HECTD2: variants seen among roughly 807,000 people sequenced by gnomAD.
HECTD2 encodes HECT domain E3 ubiquitin protein ligase 2.
Under a neutral mutation model 103.2 loss-of-function variants are expected in HECTD2, and 35 were observed. The observed-to-expected ratio is 0.34, with a 90% CI of 0.26 to 0.45. HECTD2 has a LOEUF of 0.45. Ranked by LOEUF, HECTD2 falls within the 20% of genes least tolerant of loss-of-function variation. The pLI, the probability that HECTD2 is intolerant of heterozygous loss-of-function variation, is 1.00. For synonymous variants in HECTD2, 281 were observed against 329.9 expected (o/e 0.85, Z 1.61); for missense variants, 596 against 937.4 (o/e 0.64, Z 4.76).
At chr10:91,471,647 G>GT (rs1291096284) in intron 5 of HECTD2, among the ~76,000 whole-genome samples, 1 of 152,126 alleles carries the variant, frequency 6.6e-6, no homozygotes, top group Non-Finnish European at 1.5e-5. Flanking sequence ...ATAAAAATCA[G>GT]TAGCATTTCT....
Position 91,410,573 on chromosome 10 carries a change from C to G in HECTD2, c.135C>G (p.Thr45=). The G allele has an allele frequency of 1.4e-6, 2 of 1,422,262 alleles. No individual in the cohort carries two copies. Among genetic ancestry groups the G allele is most frequent in the Non-Finnish European group, 1.8e-6 (2 of 1,088,682 alleles). The allele number at this position is 1,422,262 out of a possible 1,614,324, so 88.1% of individuals were successfully genotyped here. A position where few individuals can be genotyped will look rare whatever the true frequency, so the allele number is the denominator to read the frequency against. The stretch of plus-strand genomic sequence containing the variant: ...TCGTATCGGCGGGCGCCGGCGCGAC[C>G]GCGGTAGGTGGTGGGCCGGGGCCGT... The part of the protein sequence containing the change: ...PPIVSAGAGA[T]AGLDRGAKGQ... Residue 45 remains threonine (T), a synonymous_variant, in exon 1 of 21, where the codon ACC becomes ACG. Transcript: ENST00000298068.
intron 20 of HECTD2, among the ~76,000 whole-genome samples, chr10:91,504,442 G>A (rs1251460861): frequency 6.6e-6 from 1 of 152,142 alleles, no homozygotes; most frequent in African/African-American, 2.4e-5. Context: ...AGGAGCTGAT[G>A]GAGCTGAAAA....
At chr10:91,456,731 A>G (rs1484797237) in intron 2 of HECTD2, among the ~76,000 whole-genome samples, 1 of 152,070 alleles carries the variant, frequency 6.6e-6, no homozygotes, top group East Asian at 1.9e-4. Context: ...AATAGCTCTT[A>G]TTATTTTGAG....
chr10:91,415,641 T>A (rs1843096426), intron 1 of HECTD2, among the ~76,000 whole-genome samples: 1 of 152,216 alleles, frequency 6.6e-6, no homozygotes, highest in South Asian at 2.1e-4. Context: ...CCGACTCATG[T>A]TCTTTGCCCA....
intron 1 of HECTD2, among the ~76,000 whole-genome samples, chr10:91,415,414 A>G (rs139123218): frequency 1.3e-5 from 2 of 152,334 alleles, no homozygotes; most frequent in Non-Finnish European, 2.9e-5. Flanking sequence ...GTTTATAACA[A>G]TAATAGCTAC....
At chr10:91,478,473 A>G (rs1289751021) in intron 6 of HECTD2, among the ~76,000 whole-genome samples, 1 of 152,236 alleles carries the variant, frequency 6.6e-6, no homozygotes, top group Non-Finnish European at 1.5e-5. Flanking sequence ...ATAGATGGGC[A>G]TAAAAAGATC....
At chr10:91,498,824 T>A (rs776849599) in intron 16 of HECTD2, 48 bp from the exon 17 acceptor site, 1 of 1,135,906 alleles carries the variant, frequency 8.8e-7, no homozygotes, top group Admixed American at 2.2e-5. Context: ...CACCAAAGTA[T>A]GTTATTATAT....
intron 20 of HECTD2, among the ~76,000 whole-genome samples, chr10:91,503,802 G>A (rs1269236334): frequency 6.6e-6 from 1 of 152,098 alleles, no homozygotes; most frequent in Non-Finnish European, 1.5e-5. Context: ...GCCTGCCTCT[G>A]TAGGCTCCAC....
intron 5 of HECTD2, 106 bp from the exon 6 acceptor site, chr10:91,478,095 T>C (rs1845972228): frequency 5.4e-6 from 4 of 737,724 alleles, no homozygotes; most frequent in Non-Finnish European, 9.4e-6. Context: ...TCCTGAGTCA[T>C]CAAGTCTGAT....
chr10:91,433,744 G>A (rs1843995951), intron 2 of HECTD2, among the ~76,000 whole-genome samples: 1 of 151,914 alleles, frequency 6.6e-6, no homozygotes, highest in African/African-American at 2.4e-5. Context: ...TGCATGTACA[G>A]TCACCTTGAG....
At chr10:91,467,962 A>T (rs1589516533) in intron 5 of HECTD2, among the ~76,000 whole-genome samples, 1 of 151,184 alleles carries the variant, frequency 6.6e-6, no homozygotes, top group African/African-American at 2.4e-5. Context: ...AGCACCCCAC[A>T]CCTACCACAC....
At chr10:91,496,994 C>G (rs1229174543) in intron 15 of HECTD2, among the ~76,000 whole-genome samples, 7 of 150,140 alleles carry the variant, frequency 4.7e-5, no homozygotes, top group South Asian at 2.1e-4. Flanking sequence ...GAATCTCACT[C>G]TGTCACCCAG....
At chr10:91,413,067 A>G (rs912526121) in intron 1 of HECTD2, among the ~76,000 whole-genome samples, 3 of 152,166 alleles carry the variant, frequency 2.0e-5, no homozygotes, top group Non-Finnish European at 4.4e-5. Context: ...CTGCCTGTCT[A>G]GTTTGTGTCT....
At chr10:91,503,302 G>A (rs1846980821) in intron 20 of HECTD2, among the ~76,000 whole-genome samples, 1 of 152,228 alleles carries the variant, frequency 6.6e-6, no homozygotes, top group South Asian at 2.1e-4. Context: ...AACAGCTCCA[G>A]TCTACAGCTC....
intron 20 of HECTD2, among the ~76,000 whole-genome samples, chr10:91,506,760 C>T (rs1312322976): frequency 6.6e-6 from 1 of 151,946 alleles, no homozygotes; most frequent in Non-Finnish European, 1.5e-5. Context: ...GGGAATCCTC[C>T]CTAACTCATT....
rs1745564496 is a variant in HECTD2, at chr10:91,514,358, T to TAAG, written c.*1975_*1977dup. 2.0e-5 allele frequency: 3 copies of TAAG among 152,662 alleles called. No individual in the cohort carries two copies. Among genetic ancestry groups the TAAG allele is most frequent in the Admixed American group, 2.0e-4 (3 of 15,280 alleles). The allele number at this position is 152,662 out of a possible 1,614,324, so 9.5% of individuals were successfully genotyped here. ...CTAGAGAATTTTTGTTATCTGTTGT[T>TAAG]AAGTTGAAATGTATAATCATTTATC... On this transcript the variant is annotated 3_prime_UTR_variant, in exon 21 of 21. Coordinates refer to ENST00000298068, the MANE Select transcript of HECTD2 (RefSeq NM_182765.6).
At chr10:91,479,733 C>T (rs909461415) in intron 6 of HECTD2, among the ~76,000 whole-genome samples, 3 of 152,052 alleles carry the variant, frequency 2.0e-5, no homozygotes, top group African/African-American at 7.2e-5. Flanking sequence ...TAAGACAATA[C>T]ATTTTGTCAG....
intron 2 of HECTD2, among the ~76,000 whole-genome samples, chr10:91,438,974 T>G (rs1844264584): frequency 6.6e-6 from 1 of 152,238 alleles, no homozygotes; most frequent in African/African-American, 2.4e-5. Flanking sequence ...ATTTTGGATA[T>G]TAGCCCTTTG....
intron 9 of HECTD2, 77 bp downstream of exon 9, chr10:91,484,732 A>G: frequency 9.2e-7 from 1 of 1,081,836 alleles, no homozygotes. Context: ...ATTTCAAAAG[A>G]CTATAGAGGC....
Sources: allele counts gnomAD v4.1 joint callset (sites outside exome capture counted in the v4.1 genomes callset), GRCh38; gene constraint gnomAD v4.1.1; transcripts MANE v1.5; gene names NCBI Gene and HGNC (gene_info 2026-07-23, HGNC 2026-07-21).